Variants in ERG observed in about 807,000 individuals in gnomAD.
ERG encodes the protein transcriptional regulator ERG.
Under a neutral mutation model 55.3 loss-of-function variants are expected in ERG, and 9 were observed. The observed-to-expected ratio is 0.16, with a 90% CI of 0.10 to 0.28. The LOEUF is 0.28. Among genes scored for constraint, ERG ranks in the 10% least tolerant of loss-of-function variants. The pLI is 1.00. For missense variants in ERG, 434 were observed against 631.6 expected, an observed-to-expected ratio of 0.69 and a Z score of 3.35; for synonymous variants, 223 against 237.3, an observed-to-expected ratio of 0.94 and a Z score of 0.55.
At chr21:38,559,101 G>T (rs2059876230) in intron 2 of ERG, among the ~76,000 whole-genome samples, 1 of 152,172 alleles carries the variant, frequency 6.6e-6, no homozygotes, top group Admixed American at 6.5e-5. Context: ...AGAGCACCCA[G>T]CATTGAAGCC....
chr21:38,629,303 C>A (rs2060343573), intron 1 of ERG, among the ~76,000 whole-genome samples: 1 of 152,208 alleles, frequency 6.6e-6, no homozygotes. Flanking sequence ...AGCATTGATA[C>A]ACTAGGTCTC....
At chr21:38,444,850 C>T (rs911561441) in intron 2 of ERG, among the ~76,000 whole-genome samples, 21 of 152,064 alleles carry the variant, frequency 1.4e-4, no homozygotes, top group African/African-American at 4.8e-4. Flanking sequence ...GGACATACGC[C>T]GCACTGCCTG....
chr21:38,600,101 G>A (rs1452004017), intron 1 of ERG, among the ~76,000 whole-genome samples: 3 of 152,182 alleles, frequency 2.0e-5, no homozygotes, highest in Non-Finnish European at 2.9e-5. Context: ...TTACAAGAGC[G>A]AGCATATCAG....
intron 2 of ERG, among the ~76,000 whole-genome samples, chr21:38,432,442 C>T (rs1051694077): frequency 3.3e-5 from 5 of 152,190 alleles, no homozygotes; most frequent in African/African-American, 4.8e-5. Flanking sequence ...TAAATAGGGT[C>T]ATGTTTATGT....
intron 1 of ERG, among the ~76,000 whole-genome samples, chr21:38,579,463 C>T (rs182681641): frequency 6.6e-6 from 1 of 152,156 alleles, no homozygotes; most frequent in Non-Finnish European, 1.5e-5. Flanking sequence ...GTGGAGGTGC[C>T]CAGTGAGGCG....
chr21:38,574,652 G>C (rs530294567), intron 2 of ERG, among the ~76,000 whole-genome samples: 1 of 152,274 alleles, frequency 6.6e-6, no homozygotes, highest in South Asian at 2.1e-4. Flanking sequence ...ATTTTGAAAG[G>C]CTTTTTATAT....
chr21:38,512,168 C>T (rs2059517279), intron 2 of ERG, among the ~76,000 whole-genome samples: 1 of 152,224 alleles, frequency 6.6e-6, no homozygotes, highest in African/African-American at 2.4e-5. Context: ...TGGATGACCA[C>T]GAGTCACCAT....
chr21:38,411,935 T>A (rs953436119), intron 3 of ERG, among the ~76,000 whole-genome samples: 9 of 152,226 alleles, frequency 5.9e-5, no homozygotes, highest in African/African-American at 2.2e-4. Flanking sequence ...CTTTTTTCAC[T>A]ATGTAATGAC....
intron 2 of ERG, among the ~76,000 whole-genome samples, chr21:38,546,654 T>C (rs1425781572): frequency 6.6e-6 from 1 of 152,112 alleles, no homozygotes; most frequent in Non-Finnish European, 1.5e-5. Context: ...AGAAGAACAA[T>C]GAGGGAGAGC....
intron 1 of ERG, among the ~76,000 whole-genome samples, chr21:38,615,314 G>A (rs542558912): frequency 1.2e-4 from 18 of 152,208 alleles, no homozygotes; most frequent in Non-Finnish European, 2.4e-4. Context: ...GGGGAGATGC[G>A]GAATTACCTC....
the ERG span, among the ~76,000 whole-genome samples, chr21:38,371,605 A>G: frequency 1.3e-5 from 2 of 152,146 alleles, no homozygotes; most frequent in Admixed American, 1.3e-4. Context: ...TTTACTTTCT[A>G]TATGTATTCA....
At chr21:38,418,938 AAAAAAAAAAAAAG>A (rs1167572502) in intron 3 of ERG, among the ~76,000 whole-genome samples, 1,825 of 151,030 alleles carry the variant, frequency 0.012, 31 homozygotes, top group African/African-American at 0.043. Flanking sequence ...AAAAAAAAAA[AAAAAAAAAAAAAG>A]AAAGAAAGAA....
chr21:38,446,904 G>A (rs2058897323), intron 1 of ERG, among the ~76,000 whole-genome samples: 1 of 152,068 alleles, frequency 6.6e-6, no homozygotes, highest in Admixed American at 6.6e-5. Context: ...TGCCCCCACA[G>A]CCCTATGATG....
rs1463930740 is a variant in ERG at position 38,429,592 on chromosome 21, T to TATATAC, written c.237-6032_237-6031insGTATAT. 8.5e-5 allele frequency among the ~76,000 whole-genome samples: 2 copies of TATATAC among 23,476 alleles called. 1 individual carries two copies. The highest frequency in any genetic ancestry group is 1.9e-4 in the African/African-American group (2 of 10,488). The allele number at this position is 23,476 out of a possible 152,430, so 15.4% of individuals were successfully genotyped here. A position where few individuals can be genotyped will look rare whatever the true frequency, so the allele number is the denominator to read the frequency against. On this transcript the variant is annotated intron_variant, in intron 2 of 9. Transcript: ENST00000288319. ...ACATGTACATATATACATATGTGTA[T>TATATAC]ATGTACATGTATACACATGTACATA...
chr21:38,661,689 C>T (rs2060557907), exon 1 of ERG: 1 of 152,368 alleles, frequency 6.6e-6, no homozygotes, highest in Non-Finnish European at 1.5e-5. Context: ...TCATGTCCCT[C>T]GGGGGCCGTC....
At chr21:38,428,477 T>C (rs1311523154) in intron 2 of ERG, among the ~76,000 whole-genome samples, 1 of 152,164 alleles carries the variant, frequency 6.6e-6, no homozygotes, top group Non-Finnish European at 1.5e-5. Context: ...ATGATAAGGA[T>C]TTGGACGTTC....
At chr21:38,463,288 C>T (rs1227080994) in intron 1 of ERG, among the ~76,000 whole-genome samples, 1 of 152,124 alleles carries the variant, frequency 6.6e-6, no homozygotes, top group African/African-American at 2.4e-5. Context: ...AGTGGCTGGG[C>T]ATCCATCATG....
At chr21:38,414,325 G>C (rs1989187019) in intron 3 of ERG, among the ~76,000 whole-genome samples, 1 of 152,132 alleles carries the variant, frequency 6.6e-6, no homozygotes, top group African/African-American at 2.4e-5. Flanking sequence ...ATCTTAACTT[G>C]ATTAAATCTG....
intron 2 of ERG, among the ~76,000 whole-genome samples, chr21:38,530,465 G>T (rs547710589): frequency 7.2e-5 from 11 of 152,330 alleles, no homozygotes; most frequent in African/African-American, 2.6e-4. Context: ...AAGTTGCAGA[G>T]GGTGGATCTA....
Sources: allele counts gnomAD v4.1 joint callset (sites outside exome capture counted in the v4.1 genomes callset), GRCh38; gene constraint gnomAD v4.1.1; transcripts MANE v1.5; gene names NCBI Gene and HGNC (gene_info 2026-07-23, HGNC 2026-07-21).